Variants in OR51B5 observed in about 807,000 individuals in gnomAD.
OR51B5 encodes olfactory receptor 51B5.
For synonymous variants in OR51B5, 186 were observed against 144.8 expected (o/e 1.28, Z -2.04); for missense variants, 456 against 374.6 (o/e 1.22, Z -1.79).
chr11:5,345,364 TGAAAAAAAGA>T (rs752397989), upstream of OR51B5, among the ~76,000 whole-genome samples: 1 of 151,658 alleles, frequency 6.6e-6, no homozygotes, highest in Non-Finnish European at 1.5e-5. Flanking sequence ...GCAGGGGAAA[TGAAAAAAAGA>T]GAAAAATAGA....
intron 1 of OR51B5, among the ~76,000 whole-genome samples, chr11:5,496,685 T>C (rs1217983435): frequency 6.6e-6 from 1 of 152,154 alleles, no homozygotes; most frequent in Admixed American, 6.5e-5. Flanking sequence ...CTTTGAGTGA[T>C]TATAATTTGA....
At chr11:5,379,682 GAATT>G (rs970437817) in intron 1 of OR51B5, among the ~76,000 whole-genome samples, 36 of 100,830 alleles carry the variant, frequency 3.6e-4, no homozygotes, top group Non-Finnish European at 5.0e-4. Flanking sequence ...CTAAAGATAT[GAATT>G]AATAGATTTT....
At chr11:5,422,895 C>A in intron 1 of OR51B5, 2 of 1,614,080 alleles carry the variant, frequency 1.2e-6, no homozygotes, top group South Asian at 1.1e-5. Context: ...GGCACAGCCA[C>A]CTGGGCTGAG....
intron 1 of OR51B5, among the ~76,000 whole-genome samples, chr11:5,490,319 A>G (rs913280904): frequency 2.6e-5 from 4 of 152,248 alleles, no homozygotes; most frequent in African/African-American, 7.2e-5. Context: ...CGTTACTAGT[A>G]AAGACACTTA....
intron 1 of OR51B5, among the ~76,000 whole-genome samples, chr11:5,418,502 G>A (rs1248180443): frequency 6.6e-6 from 1 of 151,860 alleles, no homozygotes; most frequent in Non-Finnish European, 1.5e-5. Flanking sequence ...GTGATCGACT[G>A]GATTAAGAAA....
chr11:5,348,662 C>G (rs1046357459), intron 1 of OR51B5, among the ~76,000 whole-genome samples: 1 of 152,120 alleles, frequency 6.6e-6, no homozygotes, highest in Admixed American at 6.5e-5. Flanking sequence ...CTTCCATCTT[C>G]TTTTGCCTGC....
chr11:5,385,978 A>T (rs1849689494), intron 1 of OR51B5, among the ~76,000 whole-genome samples: 1 of 150,358 alleles, frequency 6.7e-6, no homozygotes, highest in Non-Finnish European at 1.5e-5. Context: ...ATAAATATAA[A>T]AATATAAAGA....
At chr11:5,361,542 G>C (rs1004813602) in intron 1 of OR51B5, among the ~76,000 whole-genome samples, 2 of 152,168 alleles carry the variant, frequency 1.3e-5, no homozygotes, top group African/African-American at 4.8e-5. Flanking sequence ...TAGAGGCTCC[G>C]CATAGGAATG....
chr11:5,433,927 C>T (rs1023672293), intron 1 of OR51B5, among the ~76,000 whole-genome samples: 2 of 152,190 alleles, frequency 1.3e-5, no homozygotes, highest in African/African-American at 4.8e-5. Flanking sequence ...TCTCTACACT[C>T]TTCATGCACC....
intron 1 of OR51B5, among the ~76,000 whole-genome samples, chr11:5,356,341 G>A (rs1411619124): frequency 6.6e-6 from 1 of 151,970 alleles, no homozygotes; most frequent in Non-Finnish European, 1.5e-5. Context: ...ACAAGACTCA[G>A]TAGCTGATTC....
At chr11:5,411,209 T>C (rs1850144356) in intron 1 of OR51B5, among the ~76,000 whole-genome samples, 1 of 152,202 alleles carries the variant, frequency 6.6e-6, no homozygotes, top group East Asian at 1.9e-4. Context: ...TGTATCATTG[T>C]TTATCTGTTG....
At chr11:5,422,271 C>A in intron 1 of OR51B5, 1 of 1,614,064 alleles carries the variant, frequency 6.2e-7, no homozygotes, top group Non-Finnish European at 8.5e-7. Context: ...GGATTTGAGG[C>A]CTCCCACATC....
At chr11:5,415,602 C>T (rs752906014) in intron 1 of OR51B5, among the ~76,000 whole-genome samples, 93 of 152,180 alleles carry the variant, frequency 6.1e-4, no homozygotes, top group Non-Finnish European at 4.0e-4. Flanking sequence ...ATATCACCAC[C>T]GATCCCACAG....
At chr11:5,418,732 A>T (rs2467231) in intron 1 of OR51B5, among the ~76,000 whole-genome samples, 1 of 150,306 alleles carries the variant, frequency 6.7e-6, no homozygotes, top group Non-Finnish European at 1.5e-5. Flanking sequence ...CTATCGGGGG[A>T]TGGGGGGTTA....
At chr11:5,453,531 A>G (rs776541215) in intron 1 of OR51B5, 2 of 1,591,840 alleles carry the variant, frequency 1.3e-6, no homozygotes, top group South Asian at 2.3e-5. Context: ...CTTCCTCCTG[A>G]CTGGTATCCC....
chr11:5,366,621 A>G (rs1017501726), intron 1 of OR51B5, among the ~76,000 whole-genome samples: 8 of 151,136 alleles, frequency 5.3e-5, no homozygotes, highest in Non-Finnish European at 8.8e-5. Flanking sequence ...GAAATAGAGA[A>G]AGAGAGAGAG....
At chr11:5,422,475 G>C (rs758701076) in intron 1 of OR51B5, 39 of 1,614,036 alleles carry the variant, frequency 2.4e-5, no homozygotes, top group Non-Finnish European at 3.0e-5. Context: ...TTCAACGTTC[G>C]TAGAATCAGC....
At chr11:5,401,074 A>G (rs960388114) in intron 1 of OR51B5, among the ~76,000 whole-genome samples, 19 of 152,194 alleles carry the variant, frequency 1.2e-4, no homozygotes, top group Admixed American at 2.6e-4. Flanking sequence ...TTCTAATGTT[A>G]TAACTGCTGA....
At chr11:5,441,334 T>A in intron 1 of OR51B5, 1 of 1,613,896 alleles carries the variant, frequency 6.2e-7, no homozygotes, top group Non-Finnish European at 8.5e-7. Context: ...AAGTAGTACA[T>A]GGGCTGATGC....
Sources: allele counts gnomAD v4.1 joint callset (sites outside exome capture counted in the v4.1 genomes callset), GRCh38; gene constraint gnomAD v4.1.1; transcripts MANE v1.5; gene names NCBI Gene and HGNC (gene_info 2026-07-23, HGNC 2026-07-21).